Variants in FAM107B observed in about 807,000 individuals in gnomAD.
FAM107B encodes the protein family with sequence similarity 107 member B, also known as protein FAM107B.
Under a neutral mutation model 31.5 loss-of-function variants are expected in FAM107B, and 21 were observed. The observed-to-expected ratio is 0.67, with a 90% CI of 0.47 to 0.96. The LOEUF (loss-of-function observed/expected upper bound fraction) is 0.96. Among genes scored for constraint, FAM107B ranks in the 40% least tolerant of loss-of-function variants. The pLI is 0.00. For missense variants in FAM107B, 452 were observed against 377.1 expected (o/e 1.20, Z -1.64); for synonymous variants, 157 against 141.5 (o/e 1.11, Z -0.78).
At chr10:14,657,787 A>G (rs1345991283) in intron 2 of FAM107B, among the ~76,000 whole-genome samples, 1 of 151,998 alleles carries the variant, frequency 6.6e-6, no homozygotes, top group Non-Finnish European at 1.5e-5. Context: ...AACCTCCAGC[A>G]ACAAGCATGT....
chr10:14,671,872 TAA>T lies in FAM107B; in HGVS notation c.412-4183_412-4182del, dbSNP rs1294969542. ...GGCAGCTAATACACTCCCTTTTATT[TAA>T]AAAAAAAAAACAAAAAAACAAAAAA... On this transcript the variant is annotated intron_variant, in intron 1 of 4. Coordinates refer to ENST00000181796, the MANE Select transcript of FAM107B (RefSeq NM_031453.4). Among the ~76,000 whole-genome samples, 85 of 33,572 alleles carry T rather than the reference TAA, an allele frequency of 2.5e-3. 1 individual carries two copies. Among genetic ancestry groups the T allele is most frequent in the Admixed American group, 0.012 (39 of 3,332 alleles). 22.0% of individuals were successfully genotyped at this position (33,572 alleles called of 152,430 possible).
chr10:14,613,700 C>T (rs953782748), intron 2 of FAM107B, among the ~76,000 whole-genome samples: 18 of 152,182 alleles, frequency 1.2e-4, no homozygotes, highest in African/African-American at 4.1e-4. Flanking sequence ...TACTGCTTTC[C>T]TTCCGTCTGC....
chr10:14,553,359 T>C (rs1167184383), intron 2 of FAM107B: 2 of 1,279,922 alleles, frequency 1.6e-6, no homozygotes, highest in Non-Finnish European at 2.0e-6. Context: ...AGTTTCTCTA[T>C]CCACAAAATT....
chr10:14,746,680 C>T (rs1832732287), intron 1 of FAM107B, among the ~76,000 whole-genome samples: 1 of 152,192 alleles, frequency 6.6e-6, no homozygotes, highest in South Asian at 2.1e-4. Context: ...GTCTGATGGG[C>T]TTCCCTTTGT....
chr10:14,591,392 T>A (rs1051724251), intron 2 of FAM107B, among the ~76,000 whole-genome samples: 17 of 152,200 alleles, frequency 1.1e-4, no homozygotes, highest in African/African-American at 3.4e-4. Flanking sequence ...GTAATTAACT[T>A]TAATAACAGG....
At chr10:14,587,785 G>A (rs767993344) in intron 2 of FAM107B, among the ~76,000 whole-genome samples, 24 of 152,228 alleles carry the variant, frequency 1.6e-4, no homozygotes, top group Non-Finnish European at 2.1e-4. Context: ...TCGAAGCTAC[G>A]GGAGGAGAGA....
chr10:14,739,153 G>A (rs1379923900), intron 1 of FAM107B, among the ~76,000 whole-genome samples: 1 of 152,200 alleles, frequency 6.6e-6, no homozygotes, highest in Non-Finnish European at 1.5e-5. Flanking sequence ...TCCAGAAGTA[G>A]AACAACGTTC....
chr10:14,555,241 G>C (rs1321934472), intron 2 of FAM107B, among the ~76,000 whole-genome samples: 2 of 152,112 alleles, frequency 1.3e-5, no homozygotes, highest in Non-Finnish European at 2.9e-5. Flanking sequence ...ATTTATAAAT[G>C]TTCAGGAAAC....
chr10:14,561,186 G>A (rs1365126798), intron 2 of FAM107B, among the ~76,000 whole-genome samples: 1 of 152,210 alleles, frequency 6.6e-6, no homozygotes, highest in Non-Finnish European at 1.5e-5. Flanking sequence ...TCTATTAAGT[G>A]CCAGGCACTG....
chr10:14,695,987 T>C (rs1855255687), intron 1 of FAM107B, among the ~76,000 whole-genome samples: 1 of 152,256 alleles, frequency 6.6e-6, no homozygotes, highest in Admixed American at 6.5e-5. Flanking sequence ...TCTTCTGTGA[T>C]TGCTCTTGCT....
At chr10:14,733,469 A>C (rs1856221403) in intron 1 of FAM107B, among the ~76,000 whole-genome samples, 1 of 152,192 alleles carries the variant, frequency 6.6e-6, no homozygotes. Flanking sequence ...TGTTTTACCC[A>C]TGATGATAAA....
At chr10:14,730,449 C>T (rs1420502613) in intron 1 of FAM107B, among the ~76,000 whole-genome samples, 1 of 152,088 alleles carries the variant, frequency 6.6e-6, no homozygotes, top group Non-Finnish European at 1.5e-5. Context: ...GGGCAATTCA[C>T]ATAGGAGCAA....
intron 1 of FAM107B, among the ~76,000 whole-genome samples, chr10:14,712,818 A>C (rs1471327538): frequency 6.6e-6 from 1 of 152,198 alleles, no homozygotes; most frequent in Admixed American, 6.5e-5. Flanking sequence ...GGAACTACCC[A>C]GGAAGGGCCT....
intron 2 of FAM107B, among the ~76,000 whole-genome samples, chr10:14,596,547 G>C (rs933407414): frequency 2.6e-5 from 4 of 152,096 alleles, no homozygotes; most frequent in African/African-American, 9.7e-5. Context: ...ACTGTTCATT[G>C]ATGATAATAA....
intron 1 of FAM107B, among the ~76,000 whole-genome samples, chr10:14,767,049 TATATATAGAGAGAGAGAG>T (rs1233064114): frequency 5.3e-4 from 19 of 36,050 alleles, no homozygotes; most frequent in African/African-American, 1.3e-3. Context: ...TATATATATA[TATATATAGAGAGAGAGAG>T]AGAGAGAGAG....
At chr10:14,763,718 A>T (rs1833104882) in intron 1 of FAM107B, among the ~76,000 whole-genome samples, 1 of 152,214 alleles carries the variant, frequency 6.6e-6, no homozygotes, top group Non-Finnish European at 1.5e-5. Flanking sequence ...CCAGGATCTA[A>T]GCCACTGGTG....
chr10:14,524,693 A>G (rs1423083008), intron 3 of FAM107B, among the ~76,000 whole-genome samples: 2 of 152,262 alleles, frequency 1.3e-5, no homozygotes, highest in Non-Finnish European at 2.9e-5. Flanking sequence ...AAGTCTTGAT[A>G]TAACACTACA....
At chr10:14,603,504 T>G (rs1240073874) in intron 2 of FAM107B, among the ~76,000 whole-genome samples, 1 of 152,152 alleles carries the variant, frequency 6.6e-6, no homozygotes, top group East Asian at 1.9e-4. Flanking sequence ...CAGTTTACCC[T>G]CTCAACCTAA....
At chr10:14,767,015 GATGTGT>G in intron 1 of FAM107B, among the ~76,000 whole-genome samples, 1 of 49,180 alleles carries the variant, frequency 2.0e-5, no homozygotes, top group African/African-American at 6.2e-5. Flanking sequence ...CAATATCCCT[GATGTGT>G]ATGTATATAT....
Sources: allele counts gnomAD v4.1 joint callset (sites outside exome capture counted in the v4.1 genomes callset), GRCh38; gene constraint gnomAD v4.1.1; transcripts MANE v1.5; gene names NCBI Gene and HGNC (gene_info 2026-07-23, HGNC 2026-07-21).